Variants in ANK2 observed in about 807,000 individuals in gnomAD.
ANK2 encodes ankyrin-2.
A neutral mutation model predicts 360.5 loss-of-function variants in ANK2; 83 were observed. That is an observed-to-expected ratio of 0.23 (90% confidence interval 0.19 to 0.28). The LOEUF (loss-of-function observed/expected upper bound fraction) is 0.28. Ranked by LOEUF, ANK2 falls within the 10% of genes least tolerant of loss-of-function variation. The pLI is 1.00. For missense variants in ANK2, 4,201 were observed against 4,795.7 expected, an observed-to-expected ratio of 0.88 and a Z score of 3.66; for synonymous variants, 1,740 against 1,759.5, an observed-to-expected ratio of 0.99 and a Z score of 0.28.
intron 1 of ANK2, among the ~76,000 whole-genome samples, chr4:113,152,939 G>A (rs2097149456): frequency 6.6e-6 from 1 of 152,086 alleles, no homozygotes; most frequent in African/African-American, 2.4e-5. Flanking sequence ...ATTGACAGAA[G>A]TATAATAATT....
the ANK2 span, among the ~76,000 whole-genome samples, chr4:112,752,533 G>A: frequency 6.1e-4 from 91 of 148,572 alleles, no homozygotes; most frequent in Non-Finnish European, 2.8e-4. Flanking sequence ...ATGCCACCAG[G>A]CCTGGCTAAT....
intron 1 of ANK2, among the ~76,000 whole-genome samples, chr4:113,110,793 T>A (rs1056992120): frequency 6.6e-6 from 1 of 152,118 alleles, no homozygotes; most frequent in African/African-American, 2.4e-5. Flanking sequence ...AGCCATAGAA[T>A]TGGTTGTTGG....
At chr4:112,874,080 C>CT (rs544871774) in intron 1 of ANK2, among the ~76,000 whole-genome samples, 27,053 of 122,104 alleles carry the variant, frequency 0.22, 3,906 homozygotes, top group East Asian at 0.66. Context: ...TTGGGGTTCT[C>CT]TTTTTTTTTT....
intron 1 of ANK2, among the ~76,000 whole-genome samples, chr4:112,841,839 T>C (rs1159130740): frequency 6.6e-6 from 1 of 152,156 alleles, no homozygotes; most frequent in Admixed American, 6.5e-5. Context: ...CATGAAGTTC[T>C]CACAGAAATG....
At position 113,355,577 on chromosome 4, in the gene ANK2, G is replaced by T. The variant is rs765547888; in HGVS notation, c.6959G>T (p.Ser2320Ile). ...EATLGSPKDT[S>I]PKRQDDCTGS... is the part of the protein sequence containing the mutation. ...ACTCTAGGCTCTCCCAAAGACACAA[G>T]CCCTAAAAGACAAGATGATTGCACA... Residue 2320 changes from serine (S) to isoleucine (I), a missense_variant, in exon 38 of 46, where the codon AGC becomes ATC. By Grantham distance (142) the Ser-to-Ile change is moderately radical. This residue lies in a region of ANK2 where 2,642 missense variants were observed against 2,714.5 expected (regional missense o/e 0.97). Coordinates refer to ENST00000357077, the MANE Select transcript of ANK2 (RefSeq NM_001148.6). 1.9e-6 allele frequency: 3 copies of T among 1,614,082 alleles called. No individual in the cohort carries two copies. Among genetic ancestry groups the T allele is most frequent in the Non-Finnish European group, 2.5e-6 (3 of 1,179,986 alleles).
chr4:112,895,178 T>C (rs1426008268), intron 1 of ANK2, among the ~76,000 whole-genome samples: 2 of 152,202 alleles, frequency 1.3e-5, no homozygotes, highest in Non-Finnish European at 2.9e-5. Flanking sequence ...ATTTTTGTTG[T>C]GGTAAGCATT....
chr4:113,025,770 C>T (rs1290380103), intron 2 of ANK2, among the ~76,000 whole-genome samples: 1 of 152,060 alleles, frequency 6.6e-6, no homozygotes, highest in Admixed American at 6.6e-5. Context: ...GGGTCTCACT[C>T]TGAGATCAGA....
intron 1 of ANK2, among the ~76,000 whole-genome samples, chr4:112,875,770 C>T (rs755699719): frequency 2.0e-5 from 3 of 151,250 alleles, no homozygotes; most frequent in Non-Finnish European, 4.4e-5. Context: ...GACAGGGTCT[C>T]ACTCTTCCCT....
At chr4:112,759,497 A>G in the ANK2 span, among the ~76,000 whole-genome samples, 1 of 152,104 alleles carries the variant, frequency 6.6e-6, no homozygotes, top group African/African-American at 2.4e-5. Context: ...CCTTCCTAGG[A>G]AGTGTTTTCA....
At chr4:112,958,007 C>T (rs1467964863) in intron 2 of ANK2, among the ~76,000 whole-genome samples, 1 of 151,038 alleles carries the variant, frequency 6.6e-6, no homozygotes, top group African/African-American at 2.4e-5. Context: ...GGCGGCGGGG[C>T]AGAGACGCTC....
At chr4:113,309,420 A>C (rs1249206468) in intron 23 of ANK2, among the ~76,000 whole-genome samples, 1 of 152,242 alleles carries the variant, frequency 6.6e-6, no homozygotes, top group African/African-American at 2.4e-5. Context: ...GCATCATAAC[A>C]AAACCATCAA....
intron 2 of ANK2, among the ~76,000 whole-genome samples, chr4:112,944,925 A>G (rs1158617714): frequency 6.6e-6 from 1 of 152,208 alleles, no homozygotes; most frequent in Non-Finnish European, 1.5e-5. Context: ...TTGACAGTTG[A>G]CTTTCTTAGA....
intron 1 of ANK2, among the ~76,000 whole-genome samples, chr4:112,865,748 T>C (rs891704361): frequency 1.6e-4 from 24 of 152,226 alleles, no homozygotes; most frequent in African/African-American, 5.5e-4. Context: ...CTGAGATTTA[T>C]CTCCAGCCAT....
At chr4:112,788,687 C>T in the ANK2 span, 11 of 1,599,668 alleles carry the variant, frequency 6.9e-6, no homozygotes, top group Non-Finnish European at 9.3e-6. Context: ...CTCTCTGCTG[C>T]TGCAACCTGA....
At chr4:113,005,284 C>G (rs971680122) in intron 2 of ANK2, among the ~76,000 whole-genome samples, 3 of 152,124 alleles carry the variant, frequency 2.0e-5, no homozygotes, top group Non-Finnish European at 2.9e-5. Flanking sequence ...GGGGTACCCA[C>G]ACTGCATATT....
chr4:113,233,638 G>A (rs1467163990), intron 5 of ANK2, among the ~76,000 whole-genome samples: 1 of 152,096 alleles, frequency 6.6e-6, no homozygotes, highest in Non-Finnish European at 1.5e-5. Context: ...TTATTAAAAT[G>A]TAATAAATCA....
chr4:113,230,339 T>C (rs1015722161), intron 4 of ANK2, among the ~76,000 whole-genome samples: 1 of 152,164 alleles, frequency 6.6e-6, no homozygotes, highest in Non-Finnish European at 1.5e-5. Context: ...ATACAATGTA[T>C]ACAGAAGAAT....
chr4:112,823,421 T>C (rs1428933526), intron 1 of ANK2, among the ~76,000 whole-genome samples: 1 of 152,242 alleles, frequency 6.6e-6, no homozygotes, highest in East Asian at 1.9e-4. Context: ...CAAGGAACCC[T>C]CTAAATGGTT....
intron 1 of ANK2, among the ~76,000 whole-genome samples, chr4:113,126,021 A>C (rs1231660139): frequency 6.6e-6 from 1 of 152,180 alleles, no homozygotes; most frequent in African/African-American, 2.4e-5. Flanking sequence ...AAATGAAGTA[A>C]TCATATAAAG....
Sources: allele counts gnomAD v4.1 joint callset (sites outside exome capture counted in the v4.1 genomes callset), GRCh38; gene constraint gnomAD v4.1.1; regional missense constraint gnomAD v4.1.1; transcripts MANE v1.5; gene names NCBI Gene and HGNC (gene_info 2026-07-23, HGNC 2026-07-21).